TENM1: variants seen among roughly 807,000 people sequenced by gnomAD.
The protein encoded by TENM1 is teneurin-1.
In TENM1, 35 loss-of-function variants were observed where a neutral mutation model predicts 174.8. The observed-to-expected ratio is 0.20, with a 90% CI of 0.15 to 0.27. The LOEUF (loss-of-function observed/expected upper bound fraction) is 0.27. Ranked by LOEUF, TENM1 falls within the 10% of genes least tolerant of loss-of-function variation. The probability of loss-of-function intolerance (pLI) is 1.00; values close to 1 mark genes in which losing one functional copy is unlikely to be tolerated. For missense variants in TENM1, 1,633 were observed against 2,130.1 expected (o/e 0.77, Z 4.59); for synonymous variants, 781 against 798.7 (o/e 0.98, Z 0.37).
At chrX:125,203,270 A>G in the TENM1 span, among the ~76,000 whole-genome samples, 1 of 112,716 alleles carries the variant, frequency 8.9e-6, no homozygotes, top group Non-Finnish European at 1.9e-5. Flanking sequence ...CGGAGACAGC[A>G]GGACCTGGAC....
At chrX:124,683,535 G>A (rs148199155) in intron 5 of TENM1, among the ~76,000 whole-genome samples, 333 of 111,864 alleles carry the variant, frequency 3.0e-3, no homozygotes, top group Non-Finnish European at 5.0e-3. Context: ...GTACATAAGA[G>A]AGAAATGGGA....
intron 3 of TENM1, among the ~76,000 whole-genome samples, chrX:124,754,361 A>G (rs1003540564): frequency 9.0e-5 from 10 of 111,316 alleles, no homozygotes; most frequent in Non-Finnish European, 1.7e-4. Flanking sequence ...TATTGCGTCT[A>G]TTTGATTCTT....
Position 124,424,038 on chromosome X carries a change from C to A in TENM1, c.4105-1400G>T, listed in dbSNP as rs748154632. Among the ~76,000 whole-genome samples, 3 of 111,603 alleles carry A rather than the reference C, an allele frequency of 2.7e-5. No homozygotes were observed. In the East Asian group the frequency reaches 8.5e-4, roughly 31 times the overall value. On this transcript the variant is annotated intron_variant, in intron 23 of 31. Coordinates refer to ENST00000422452, the Ensembl canonical transcript of TENM1. ...ATATGAGGACACAGCTAGAAAGCAG[C>A]CACCTGCAAGCCAAAGAGAGACACC... is the stretch of plus-strand genomic sequence containing the variant.
At chrX:124,742,756 C>T (rs998571743) in intron 3 of TENM1, among the ~76,000 whole-genome samples, 2 of 110,450 alleles carry the variant, frequency 1.8e-5, no homozygotes, top group Non-Finnish European at 3.8e-5. Context: ...TATTTAACCA[C>T]CTTCCTGAGC....
At chrX:124,640,485 C>T (rs2050986640) in intron 11 of TENM1, among the ~76,000 whole-genome samples, 1 of 111,898 alleles carries the variant, frequency 8.9e-6, no homozygotes, top group Non-Finnish European at 1.9e-5. Context: ...TAGGCAGAGG[C>T]TTTCTAAGAG....
At position 124,671,505 on chromosome X, in the gene TENM1, A is replaced by G. The variant is rs1374572924; in HGVS notation, c.1168+178T>C. ...ACTTTAATTGGTTTATACTCAAGGCACTGGAAACAAGGAAAATTTGCTTTC... is the reference window on the plus strand; with the variant it reads ...ACTTTAATTGGTTTATACTCAAGGCGCTGGAAACAAGGAAAATTTGCTTTC... On this transcript the variant is annotated intron_variant, in intron 6 of 31. Coordinates refer to ENST00000422452, the Ensembl canonical transcript of TENM1. 2.7e-5 allele frequency among the ~76,000 whole-genome samples: 3 copies of G among 111,948 alleles called. No individual in the cohort carries two copies. The East Asian group carries it at 8.3e-4, about 31-fold the overall frequency.
chrX:124,948,413 T>C (rs1455049681), intron 1 of TENM1, among the ~76,000 whole-genome samples: 2 of 112,752 alleles, frequency 1.8e-5, no homozygotes, highest in Admixed American at 1.9e-4. Flanking sequence ...CTTTAACAAG[T>C]TGTAGTCAAG....
chrX:124,715,627 T>C (rs1473304680), intron 4 of TENM1, among the ~76,000 whole-genome samples: 1 of 109,797 alleles, frequency 9.1e-6, no homozygotes, highest in Non-Finnish European at 1.9e-5. Context: ...TTCCTTTTCT[T>C]TTCTTTTCCT....
chrX:124,729,634 T>C (rs2053518242), intron 4 of TENM1, among the ~76,000 whole-genome samples: 1 of 112,357 alleles, frequency 8.9e-6, no homozygotes, highest in Admixed American at 9.4e-5. Flanking sequence ...ATAGCAAGGC[T>C]GACGTCTGAG....
intron 4 of TENM1, among the ~76,000 whole-genome samples, chrX:124,715,811 T>C (rs1462105571): frequency 9.0e-6 from 1 of 110,819 alleles, no homozygotes; most frequent in Admixed American, 9.7e-5. Flanking sequence ...ACATGTCTTT[T>C]CCTGGTTTAT....
chrX:124,772,255 C>T (rs1454655306), intron 3 of TENM1, among the ~76,000 whole-genome samples: 1 of 111,204 alleles, frequency 9.0e-6, no homozygotes, highest in East Asian at 2.8e-4. Context: ...TGTGCCTCAG[C>T]CTCCTGAGTA....
chrX:125,186,171 AT>A, the TENM1 span, among the ~76,000 whole-genome samples: 4 of 111,615 alleles, frequency 3.6e-5, no homozygotes, highest in African/African-American at 6.6e-5. Flanking sequence ...TATAAAAAAA[AT>A]CATATATGTA....
At chrX:125,102,892 C>G in the TENM1 span, among the ~76,000 whole-genome samples, 12 of 111,589 alleles carry the variant, frequency 1.1e-4, no homozygotes, top group African/African-American at 3.6e-4. Flanking sequence ...TACCCAGTCA[C>G]CAAGAGATAA....
intron 4 of TENM1, among the ~76,000 whole-genome samples, chrX:124,706,516 A>C (rs1218797879): frequency 9.0e-6 from 1 of 111,359 alleles, no homozygotes; most frequent in Non-Finnish European, 1.9e-5. Flanking sequence ...TTGCCACCAT[A>C]CATTTGTTTT....
rs1186581167 is a variant in TENM1 at position 124,523,632 on chromosome X, A to AG, written c.2772-8dup. 1 of 1,206,831 alleles carries AG rather than the reference A, an allele frequency of 8.3e-7. No individual in the cohort carries two copies. The highest frequency in any genetic ancestry group is 1.1e-6 in the Non-Finnish European group (1 of 892,943). ...GATGGCCACGAGGTCAAAGCTAAGA[A>AG]GGAAAAACATAAGACAGTTGCAATC... On this transcript the variant is annotated splice_polypyrimidine_tract_variant and splice_region_variant and intron_variant, in intron 16 of 31. Transcript: ENST00000422452.
chrX:125,132,283 G>A, the TENM1 span, among the ~76,000 whole-genome samples: 1 of 111,855 alleles, frequency 8.9e-6, no homozygotes, highest in African/African-American at 3.3e-5. Context: ...GGTTGTTCTA[G>A]TGCAGGATAC....
At chrX:124,778,208 C>A (rs928171254) in intron 3 of TENM1, among the ~76,000 whole-genome samples, 2 of 112,633 alleles carry the variant, frequency 1.8e-5, no homozygotes, top group African/African-American at 6.5e-5. Context: ...AACTGGCCTG[C>A]GCACTGGGAG....
chrX:125,052,403 C>A, the TENM1 span, among the ~76,000 whole-genome samples: 1 of 111,553 alleles, frequency 9.0e-6, no homozygotes, highest in Non-Finnish European at 1.9e-5. Flanking sequence ...TGAATGCTGT[C>A]CTTTTCAATT....
chrX:124,929,503 T>C (rs991339495), intron 1 of TENM1, among the ~76,000 whole-genome samples: 2 of 112,146 alleles, frequency 1.8e-5, no homozygotes, highest in Non-Finnish European at 3.8e-5. Flanking sequence ...CCAGAGATTA[T>C]GTCTGCACAA....
Sources: allele counts gnomAD v4.1 joint callset (sites outside exome capture counted in the v4.1 genomes callset), GRCh38; gene constraint gnomAD v4.1.1; transcripts MANE v1.5; gene names NCBI Gene and HGNC (gene_info 2026-07-23, HGNC 2026-07-21).